The following ATP2B2 variants were observed in gnomAD, a reference collection of about 807,000 sequenced individuals.
ATP2B2 encodes the protein plasma membrane calcium-transporting ATPase 2.
A neutral mutation model predicts 120.0 loss-of-function variants in ATP2B2; 15 were observed. The observed-to-expected ratio is 0.12, with a 90% CI of 0.08 to 0.19. The LOEUF (loss-of-function observed/expected upper bound fraction) is 0.19. ATP2B2 is among the 10% of genes least tolerant of loss of function. The pLI, the probability that ATP2B2 is intolerant of heterozygous loss-of-function variation, is 1.00. For synonymous variants in ATP2B2, 694 were observed against 700.3 expected (o/e 0.99, Z 0.14); for missense variants, 1,045 against 1,719.8 (o/e 0.61, Z 6.94).
At chr3:10,698,176 TC>T (rs2071766355) in intron 1 of ATP2B2, among the ~76,000 whole-genome samples, 1 of 152,174 alleles carries the variant, frequency 6.6e-6, no homozygotes, top group Non-Finnish European at 1.5e-5. Context: ...GTGACCCAAT[TC>T]CAGCCAATGA....
At chr3:10,420,811 A>G (rs2062952434) in intron 2 of ATP2B2, among the ~76,000 whole-genome samples, 2 of 152,244 alleles carry the variant, frequency 1.3e-5, no homozygotes, top group African/African-American at 4.8e-5. Context: ...GCTTTCTCCA[A>G]GGCACTAGTT....
chr3:10,631,988 C>T (rs983797225), intron 1 of ATP2B2, among the ~76,000 whole-genome samples: 2 of 152,234 alleles, frequency 1.3e-5, no homozygotes. Flanking sequence ...GAAGCAGGTC[C>T]CGAGGTCCTC....
intron 10 of ATP2B2, among the ~76,000 whole-genome samples, chr3:10,376,737 G>A (rs887383284): frequency 2.6e-5 from 4 of 152,230 alleles, no homozygotes; most frequent in Non-Finnish European, 5.9e-5. Context: ...AGTGGCTGAC[G>A]TGTTAGTCCC....
chr3:10,450,566 C>T (rs2064003612), intron 1 of ATP2B2, among the ~76,000 whole-genome samples: 1 of 152,246 alleles, frequency 6.6e-6, no homozygotes, highest in South Asian at 2.1e-4. Flanking sequence ...TTAATCGAGG[C>T]CCTTGGCCTG....
At chr3:10,513,022 T>A (rs1352932837) in intron 3 of ATP2B2, among the ~76,000 whole-genome samples, 2 of 152,226 alleles carry the variant, frequency 1.3e-5, no homozygotes, top group African/African-American at 4.8e-5. Flanking sequence ...CCTTCCCAGG[T>A]TCTGTGCTAG....
chr3:10,596,909 A>C (rs1400887772), intron 2 of ATP2B2, among the ~76,000 whole-genome samples: 1 of 152,238 alleles, frequency 6.6e-6, no homozygotes, highest in Non-Finnish European at 1.5e-5. Context: ...CACACTCTCT[A>C]TGAGGAATTC....
chr3:10,365,503 C>T (rs192499703), intron 12 of ATP2B2, among the ~76,000 whole-genome samples: 13 of 152,034 alleles, frequency 8.6e-5, no homozygotes, highest in African/African-American at 1.2e-4. Context: ...TGCGGGTGTC[C>T]GGGACGACAG....
chr3:10,656,143 G>T (rs2070621606), intron 1 of ATP2B2, among the ~76,000 whole-genome samples: 1 of 152,158 alleles, frequency 6.6e-6, no homozygotes, highest in Non-Finnish European at 1.5e-5. Flanking sequence ...GAGGAGGGAA[G>T]GTAGGGGGTG....
At chr3:10,500,468 G>A (rs535658658) in intron 1 of ATP2B2, among the ~76,000 whole-genome samples, 2 of 152,174 alleles carry the variant, frequency 1.3e-5, no homozygotes, top group South Asian at 4.2e-4. Flanking sequence ...AATTAGCTAA[G>A]GATTTTGAGA....
intron 1 of ATP2B2, among the ~76,000 whole-genome samples, chr3:10,451,840 G>A (rs1381874649): frequency 6.6e-6 from 1 of 152,188 alleles, no homozygotes; most frequent in East Asian, 1.9e-4. Context: ...AGAAGCAGGT[G>A]AGGCAGGGAC....
intron 1 of ATP2B2, among the ~76,000 whole-genome samples, chr3:10,668,823 C>A (rs1375483068): frequency 6.6e-6 from 1 of 152,202 alleles, no homozygotes; most frequent in African/African-American, 2.4e-5. Flanking sequence ...CTGCTGTATC[C>A]CCAGCCCCTA....
At chr3:10,560,507 G>C (rs549779028) in intron 2 of ATP2B2, among the ~76,000 whole-genome samples, 30 of 152,228 alleles carry the variant, frequency 2.0e-4, no homozygotes, top group African/African-American at 7.0e-4. Flanking sequence ...TTTCTCTCTA[G>C]TATGCTTCTC....
intron 14 of ATP2B2, among the ~76,000 whole-genome samples, chr3:10,355,583 G>C (rs2060692025): frequency 6.6e-6 from 1 of 152,198 alleles, no homozygotes; most frequent in Non-Finnish European, 1.5e-5. Context: ...AGAGGGAAGT[G>C]GCTCGTTAGC....
In ATP2B2 at chr3:10,444,447, T is replaced by G. The variant is rs530604874; in HGVS notation, c.199+4898A>C. Among the ~76,000 whole-genome samples, 28 of 152,294 alleles carry G rather than the reference T, an allele frequency of 1.8e-4. No individual in the cohort carries two copies. The South Asian group carries it at 5.8e-3, about 32-fold the overall frequency. ...TATCATATTCACGTGCAGCACAAAG[T>G]ACCCGCCATCTCCCATGATCTGCTC... On this transcript the variant is annotated intron_variant, in intron 2 of 22. Coordinates refer to ENST00000360273, the MANE Select transcript of ATP2B2 (RefSeq NM_001001331.4).
chr3:10,466,891 C>T (rs114493482), intron 1 of ATP2B2, among the ~76,000 whole-genome samples: 1 of 152,198 alleles, frequency 6.6e-6, no homozygotes, highest in African/African-American at 2.4e-5. Context: ...CAGGGGTGAC[C>T]GTGCAGCTCA....
chr3:10,378,775 T>G (rs1225156323), intron 9 of ATP2B2, among the ~76,000 whole-genome samples: 1 of 152,106 alleles, frequency 6.6e-6, no homozygotes, highest in Non-Finnish European at 1.5e-5. Context: ...ACCCAGCTGG[T>G]CCTTGGGACC....
chr3:10,480,896 C>T (rs371689851), intron 1 of ATP2B2, among the ~76,000 whole-genome samples: 6 of 152,378 alleles, frequency 3.9e-5, no homozygotes, highest in African/African-American at 1.4e-4. Flanking sequence ...GAGCTAAAGT[C>T]CTCAGTGGGG....
intron 1 of ATP2B2, among the ~76,000 whole-genome samples, chr3:10,504,802 G>C (rs922536637): frequency 6.6e-6 from 1 of 152,082 alleles, no homozygotes; most frequent in Non-Finnish European, 1.5e-5. Context: ...AGAGGGTGCC[G>C]ACTCCACCAC....
chr3:10,683,628 CTTG>C (rs2071434066), intron 1 of ATP2B2, among the ~76,000 whole-genome samples: 1 of 150,684 alleles, frequency 6.6e-6, no homozygotes, highest in Non-Finnish European at 1.5e-5. Flanking sequence ...CATTCAATAA[CTTG>C]TTATTTTATT....
Sources: gnomAD v4.1 joint callset for allele counts (sites outside exome capture counted in the v4.1 genomes callset) on GRCh38, gnomAD v4.1.1 for gene constraint, MANE v1.5 for transcripts, NCBI Gene and HGNC (gene_info 2026-07-23, HGNC 2026-07-21) for gene names.